Variants in DUSP16 observed in about 807,000 individuals in gnomAD.
DUSP16 encodes the protein dual specificity protein phosphatase 16.
In DUSP16, 21 loss-of-function variants were observed where a neutral mutation model predicts 58.3. The ratio of observed to expected loss-of-function variants is 0.36; its 90% CI spans 0.26 to 0.52. The LOEUF (loss-of-function observed/expected upper bound fraction) is 0.52. DUSP16 is among the 20% of genes least tolerant of loss of function. The probability of loss-of-function intolerance (pLI) is 0.94; values close to 1 mark genes in which losing one functional copy is unlikely to be tolerated. For synonymous variants in DUSP16, 320 were observed against 323.8 expected, an observed-to-expected ratio of 0.99 and a Z score of 0.12; for missense variants, 726 against 819.0, an observed-to-expected ratio of 0.89 and a Z score of 1.39.
At chr12:12,482,380 T>C (rs1943587473) in intron 5 of DUSP16, among the ~76,000 whole-genome samples, 1 of 152,254 alleles carries the variant, frequency 6.6e-6, no homozygotes, top group Admixed American at 6.5e-5. Flanking sequence ...TCAAATTTTC[T>C]GCAATGTGCT....
intron 4 of DUSP16, 46 bp downstream of exon 4, chr12:12,500,473 C>T (rs765469887): frequency 3.9e-5 from 60 of 1,530,930 alleles, no homozygotes; most frequent in Non-Finnish European, 4.9e-5. Flanking sequence ...GTTTCTCCAG[C>T]TAACAATATA....
In DUSP16 at chr12:12,477,888, G is replaced by T; in HGVS notation, c.943C>A (p.His315Asn). 6.2e-7 allele frequency: 1 copy of T among 1,614,180 alleles called. No individual in the cohort carries two copies. Among genetic ancestry groups the T allele is most frequent in the Non-Finnish European group, 8.5e-7 (1 of 1,180,030 alleles). ...SGPKSKLKLL[H>N]LEKPNEPVPA... ...ACAGGTTCATTTGGCTTCTCCAGGT[G>T]CAGCAGCTTGAGTTTGCTCTTTGGC... The change falls in exon 7 of 7, where the codon CAC becomes AAC. Residue 315 changes from histidine to asparagine, a missense_variant. By Grantham distance (68) the His-to-Asn change is moderately conservative. Coordinates refer to ENST00000298573, the MANE Select transcript of DUSP16 (RefSeq NM_030640.3). This position sits in a 1 kb window ranked among gnomAD's most constrained non-coding sequence, Gnocchi z 4.1.
intron 1 of DUSP16, among the ~76,000 whole-genome samples, chr12:12,549,075 T>C (rs918230606): frequency 6.6e-6 from 1 of 152,182 alleles, no homozygotes; most frequent in Non-Finnish European, 1.5e-5. Flanking sequence ...AAAATACAAT[T>C]AGTCTTTCAT....
Position 12,529,786 on chromosome 12 carries a change from T to G in DUSP16, c.-365-8323A>C, listed in dbSNP as rs192893602. Among the ~76,000 whole-genome samples the G allele has an allele frequency of 2.0e-5, 3 of 152,354 alleles. No homozygotes were observed. In the South Asian group the frequency reaches 6.2e-4, roughly 32 times the overall value. ...CATATATGAGTGAAATTACACAGTA[T>G]TTGTCTTCCTGTGTCTTGTTTATTT... On this transcript the variant is annotated intron_variant, in intron 1 of 6. Transcript: ENST00000298573.
At position 12,477,274 on chromosome 12, in the gene DUSP16, G is replaced by A. The variant is rs369494397; in HGVS notation, c.1557C>T (p.Phe519=). 1.1e-5 allele frequency: 18 copies of A among 1,614,112 alleles called. No homozygotes were observed. The highest frequency in any genetic ancestry group is 1.6e-4 in the Middle Eastern group (1 of 6,084). Residue 519 remains phenylalanine (F), a synonymous_variant, in exon 7 of 7, where the codon TTC becomes TTT. Transcript: ENST00000298573. This position sits in a 1 kb window ranked among gnomAD's most constrained non-coding sequence, Gnocchi z 4.1. ...VEDNYHTSFL[F]GLSTSQQHLT... ...GGTGCTGCTGGCTGGTGGAAAGGCCGAAAAGGAAGCTGGTGTGGTAATTGT... is the reference window on the plus strand; with the variant it reads ...GGTGCTGCTGGCTGGTGGAAAGGCCAAAAAGGAAGCTGGTGTGGTAATTGT...
At chr12:12,516,476 C>T (rs540624332) in intron 3 of DUSP16, among the ~76,000 whole-genome samples, 2 of 152,326 alleles carry the variant, frequency 1.3e-5, no homozygotes, top group South Asian at 2.1e-4. Flanking sequence ...CAAGGACTTG[C>T]GTATTCCTAT....
intron 1 of DUSP16, among the ~76,000 whole-genome samples, chr12:12,551,322 C>A (rs979561959): frequency 1.3e-5 from 2 of 151,698 alleles, no homozygotes; most frequent in African/African-American, 4.8e-5. Context: ...ACCAACATGG[C>A]GAAACCCCCA....
At chr12:12,508,572 A>G (rs1944030361) in intron 3 of DUSP16, among the ~76,000 whole-genome samples, 1 of 152,350 alleles carries the variant, frequency 6.6e-6, no homozygotes, top group African/African-American at 2.4e-5. Flanking sequence ...GATCTAAAGC[A>G]TTAATTTAAA....
chr12:12,480,145 T>G, intron 6 of DUSP16, 78 bp downstream of exon 6: 3 of 1,540,438 alleles, frequency 1.9e-6, no homozygotes, highest in Non-Finnish European at 8.8e-7. Context: ...TGCTTTAATT[T>G]GGTTACCCAT....
At chr12:12,522,869 G>T (rs758044453) in intron 1 of DUSP16, among the ~76,000 whole-genome samples, 1 of 151,942 alleles carries the variant, frequency 6.6e-6, no homozygotes, top group Non-Finnish European at 1.5e-5. Flanking sequence ...CAGCCTAGAG[G>T]GTAAATATTT....
rs936835734 is a variant in DUSP16 at position 12,473,792 on chromosome 12, A to G, written c.*3041T>C. On this transcript the variant is annotated 3_prime_UTR_variant, in exon 7 of 7. Transcript: ENST00000298573. ...GAGAGGTTGTTGAGATGTATGTGGC[A>G]AGGACAAAGGACAGCTCTTCAACAA... 2.0e-5 allele frequency among the ~76,000 whole-genome samples: 3 copies of G among 152,214 alleles called. No individual in the cohort carries two copies. The highest frequency in any genetic ancestry group is 4.4e-5 in the Non-Finnish European group (3 of 68,036).
At chr12:12,515,742 G>A (rs1174226084) in intron 3 of DUSP16, among the ~76,000 whole-genome samples, 1 of 151,818 alleles carries the variant, frequency 6.6e-6, no homozygotes, top group African/African-American at 2.4e-5. Flanking sequence ...GGAAACAATG[G>A]TTTGCCATTA....
At chr12:12,533,299 G>A (rs979051776) in intron 1 of DUSP16, among the ~76,000 whole-genome samples, 1 of 152,130 alleles carries the variant, frequency 6.6e-6, no homozygotes, top group Admixed American at 6.5e-5. Context: ...CAAATGCAAC[G>A]CAAGATGACT....
At chr12:12,479,197 G>A (rs1307843563) in intron 6 of DUSP16, among the ~76,000 whole-genome samples, 3 of 152,030 alleles carry the variant, frequency 2.0e-5, no homozygotes, top group Non-Finnish European at 4.4e-5. Context: ...ATTCTTCAGC[G>A]GCCCCTGCAC....
Position 12,503,319 on chromosome 12 carries a change from G to A in DUSP16, c.368-2637C>T, listed in dbSNP as rs543062057. Among the ~76,000 whole-genome samples the A allele has an allele frequency of 4.1e-5, 6 of 148,016 alleles. No individual in the cohort carries two copies. In the East Asian group the frequency reaches 1.2e-3, roughly 30 times the overall value. On this transcript the variant is annotated intron_variant, in intron 3 of 6. Coordinates refer to ENST00000298573, the MANE Select transcript of DUSP16 (RefSeq NM_030640.3). ...TGGCTCACTGCAACCTCCGCTTCCCGGGTTCAAGCGATTCTCCTGCCTCAG... is the reference window on the plus strand; with the variant it reads ...TGGCTCACTGCAACCTCCGCTTCCCAGGTTCAAGCGATTCTCCTGCCTCAG...
intron 3 of DUSP16, among the ~76,000 whole-genome samples, chr12:12,504,700 AAAAAAAAAAAAAG>A (rs1298509927): frequency 7.5e-6 from 1 of 133,576 alleles, no homozygotes; most frequent in Non-Finnish European, 1.6e-5. Flanking sequence ...TTAAAAAAAA[AAAAAAAAAAAAAG>A]AAAGAAAGAA....
chr12:12,546,259 C>T (rs1462406743), intron 1 of DUSP16, among the ~76,000 whole-genome samples: 2 of 152,076 alleles, frequency 1.3e-5, no homozygotes, highest in African/African-American at 4.8e-5. Context: ...TTTTACTTTA[C>T]CTGTGTTTCG....
intron 1 of DUSP16, among the ~76,000 whole-genome samples, chr12:12,537,576 C>T (rs979678167): frequency 6.6e-6 from 1 of 152,188 alleles, no homozygotes. Flanking sequence ...TATTAAGAAA[C>T]TCAATGGCTA....
intron 3 of DUSP16, among the ~76,000 whole-genome samples, chr12:12,513,216 A>G (rs768745071): frequency 6.6e-6 from 1 of 152,238 alleles, no homozygotes; most frequent in South Asian, 2.1e-4. Flanking sequence ...GGTATCTTCT[A>G]TCCTTATTCA....
Sources: allele counts gnomAD v4.1 joint callset (sites outside exome capture counted in the v4.1 genomes callset), GRCh38; gene constraint gnomAD v4.1.1; non-coding constraint Gnocchi (gnomAD v3.1); transcripts MANE v1.5; gene names NCBI Gene and HGNC (gene_info 2026-07-23, HGNC 2026-07-21).